Variants in DNER observed in about 807,000 individuals in gnomAD.
The protein encoded by DNER is delta/notch like EGF repeat containing, also known as delta and Notch-like epidermal growth factor-related receptor.
Under a neutral mutation model 78.2 loss-of-function variants are expected in DNER, and 33 were observed. The ratio of observed to expected loss-of-function variants is 0.42; its 90% CI spans 0.32 to 0.56. The LOEUF is 0.56. DNER is among the 20% of genes least tolerant of loss of function. DNER has a pLI of 0.11. For synonymous variants in DNER, 417 were observed against 384.8 expected (o/e 1.08, Z -0.98); for missense variants, 918 against 975.3 (o/e 0.94, Z 0.78).
rs567063701 is a variant in DNER at position 229,442,676 on chromosome 2, T to C, written c.1486+4640A>G. Among the ~76,000 whole-genome samples the C allele has an allele frequency of 2.6e-5, 4 of 152,330 alleles. No individual in the cohort carries two copies. In the East Asian group the frequency reaches 7.7e-4, roughly 29 times the overall value. On this transcript the variant is annotated intron_variant, in intron 8 of 12. Transcript: ENST00000341772. ...CTTTGCAGGTATATTTATTTCTTTA[T>C]TGCTGTTCAATTGCTATTAAAATCC...
intron 8 of DNER, among the ~76,000 whole-genome samples, chr2:229,444,372 T>C (rs764339015): frequency 2.1e-4 from 32 of 152,292 alleles, no homozygotes; most frequent in Non-Finnish European, 4.1e-4. Context: ...GTCCCAGAGA[T>C]GCCTGTAAAT....
At chr2:229,644,962 G>A (rs1698689203) in intron 1 of DNER, among the ~76,000 whole-genome samples, 1 of 152,040 alleles carries the variant, frequency 6.6e-6, no homozygotes, top group African/African-American at 2.4e-5. Flanking sequence ...CCTTAGGATG[G>A]CACTAGTCCA....
rs73097217 is a variant in DNER at position 229,705,114 on chromosome 2, C to T, written c.276+9034G>A. Among the ~76,000 whole-genome samples, 1,430 of 152,296 alleles carry T rather than the reference C, an allele frequency of 9.4e-3. 20 individuals carry two copies. Among genetic ancestry groups the T allele is most frequent in the African/African-American group, 0.033 (1,356 of 41,544 alleles). On this transcript the variant is annotated intron_variant, in intron 1 of 12. Transcript: ENST00000341772. ...CCACTCAGCCCCCATCAGCCCATTG[C>T]TACAGACTCTTCGCTTCAGTCGTCT... is the stretch of plus-strand genomic sequence containing the variant.
chr2:229,668,800 A>G (rs1699156575), intron 1 of DNER, among the ~76,000 whole-genome samples: 1 of 151,608 alleles, frequency 6.6e-6, no homozygotes, highest in African/African-American at 2.4e-5. Context: ...ACCATTGTGG[A>G]AGACAGTGTG....
chr2:229,554,871 AG>A (rs2154213437), intron 4 of DNER, among the ~76,000 whole-genome samples: 1 of 52,150 alleles, frequency 1.9e-5, no homozygotes, highest in Admixed American at 2.2e-4. Context: ...AGAAGAGAAG[AG>A]AAGAGAAGAG....
At chr2:229,704,762 C>T (rs1442193690) in intron 1 of DNER, among the ~76,000 whole-genome samples, 2 of 151,996 alleles carry the variant, frequency 1.3e-5, no homozygotes, top group Non-Finnish European at 2.9e-5. Flanking sequence ...GAAATGAATG[C>T]CAAGAAGAGT....
intron 11 of DNER, among the ~76,000 whole-genome samples, chr2:229,385,816 G>A (rs770170091): frequency 1.3e-5 from 2 of 152,028 alleles, no homozygotes; most frequent in African/African-American, 2.4e-5. Flanking sequence ...AAGGAAATAA[G>A]AGAAGACACA....
At chr2:229,642,045 G>T (rs75260126) in intron 1 of DNER, among the ~76,000 whole-genome samples, 2,468 of 152,264 alleles carry the variant, frequency 0.016, 74 homozygotes, top group African/African-American at 0.056. Context: ...AAATAGTGAA[G>T]AAATATGATT....
chr2:229,477,347 C>A (rs1284242092), intron 6 of DNER, 94 bp from the exon 7 acceptor site: 66 of 746,588 alleles, frequency 8.8e-5, no homozygotes, highest in Non-Finnish European at 1.2e-4. Context: ...GGTACCTGCC[C>A]AGTGAAGGCA....
rs529281388 is a variant in DNER, at chr2:229,550,760, C to T, written c.848-3668G>A. Among the ~76,000 whole-genome samples, 13 of 151,842 alleles carry T rather than the reference C, an allele frequency of 8.6e-5. No individual in the cohort carries two copies. The South Asian group carries it at 1.0e-3, about 12-fold the overall frequency. ...ACTGCGCTCCAGTCTGGCGACAGAG[C>T]GAGACTCTGTCTCAAAAAATAAATA... On this transcript the variant is annotated intron_variant, in intron 4 of 12. Transcript: ENST00000341772.
intron 7 of DNER, among the ~76,000 whole-genome samples, chr2:229,468,694 T>C (rs1052219221): frequency 6.6e-6 from 1 of 152,206 alleles, no homozygotes; most frequent in Non-Finnish European, 1.5e-5. Context: ...CAGCCAGCTC[T>C]GCGTGAATTA....
intron 1 of DNER, among the ~76,000 whole-genome samples, chr2:229,706,525 T>C (rs943080505): frequency 6.6e-6 from 1 of 152,144 alleles, no homozygotes; most frequent in Non-Finnish European, 1.5e-5. Flanking sequence ...ATCACACCAC[T>C]GCACTACAGC....
chr2:229,599,548 A>G (rs548605555), intron 1 of DNER, among the ~76,000 whole-genome samples: 36 of 152,176 alleles, frequency 2.4e-4, no homozygotes, highest in African/African-American at 6.8e-4. Flanking sequence ...ATGCCAACCA[A>G]AAACATTGCT....
intron 1 of DNER, among the ~76,000 whole-genome samples, chr2:229,660,368 G>A (rs986072679): frequency 6.6e-5 from 10 of 152,070 alleles, no homozygotes; most frequent in Non-Finnish European, 1.3e-4. Flanking sequence ...GTGAGAACAC[G>A]TGGTATTTGA....
intron 1 of DNER, among the ~76,000 whole-genome samples, chr2:229,684,169 A>AGAGAGTGT (rs1184050138): frequency 2.6e-4 from 25 of 94,636 alleles, no homozygotes; most frequent in African/African-American, 1.1e-3. Flanking sequence ...AGAGAGAGAG[A>AGAGAGTGT]GTGTGTGTGT....
chr2:229,514,829 G>A (rs1464244879), intron 5 of DNER, among the ~76,000 whole-genome samples: 2 of 152,128 alleles, frequency 1.3e-5, no homozygotes, highest in Non-Finnish European at 2.9e-5. Context: ...CCAACCAAGA[G>A]GCCAGACAAC....
At chr2:229,486,676 A>G (rs1350639736) in intron 6 of DNER, among the ~76,000 whole-genome samples, 1 of 152,234 alleles carries the variant, frequency 6.6e-6, no homozygotes, top group Non-Finnish European at 1.5e-5. Context: ...CATGCTTGGC[A>G]TGTCCTAGGT....
rs561631834 is a variant in DNER, at chr2:229,548,799, T to C, written c.848-1707A>G. Among the ~76,000 whole-genome samples the C allele has an allele frequency of 9.8e-4, 149 of 152,118 alleles. 1 individual carries two copies. Among genetic ancestry groups the C allele is most frequent in the Non-Finnish European group, 1.6e-3 (110 of 67,994 alleles). ...AACCTTTAAAACTTCAAGTGGAAAA[T>C]ATAGGGGGCTATTTCATTGATCTAA... On this transcript the variant is annotated intron_variant, in intron 4 of 12. Transcript: ENST00000341772.
chr2:229,684,124 T>TG (rs1559208232), intron 1 of DNER, among the ~76,000 whole-genome samples: 1,288 of 67,656 alleles, frequency 0.019, 23 homozygotes, highest in South Asian at 0.033. Context: ...GTGTGTGTGT[T>TG]TGTGTGTGTG....
Sources: gnomAD v4.1 joint callset for allele counts (sites outside exome capture counted in the v4.1 genomes callset) on GRCh38, gnomAD v4.1.1 for gene constraint, MANE v1.5 for transcripts, NCBI Gene and HGNC (gene_info 2026-07-23, HGNC 2026-07-21) for gene names.